The following AARS2 variants were observed in gnomAD, a reference collection of about 807,000 sequenced individuals.
The protein encoded by AARS2 is alanyl-tRNA synthetase 2, mitochondrial, also known as alanine--tRNA ligase, mitochondrial.
In AARS2, 78 loss-of-function variants were observed where a neutral mutation model predicts 119.7. The ratio of observed to expected loss-of-function variants is 0.65; its 90% confidence interval spans 0.54 to 0.79. The LOEUF is 0.79. AARS2 is among the 30% of genes least tolerant of loss of function. AARS2 has a pLI of 0.00. For missense variants in AARS2, 1,157 were observed against 1,291.3 expected, an observed-to-expected ratio of 0.90 and a Z score of 1.59; for synonymous variants, 502 against 526.3, an observed-to-expected ratio of 0.95 and a Z score of 0.63.
chr6:44,301,322 C>T, intron 20 of AARS2, 56 bp from the exon 21 acceptor site: 1 of 1,613,192 alleles, frequency 6.2e-7, no homozygotes, highest in Non-Finnish European at 8.5e-7. Flanking sequence ...CTAGCTGTCT[C>T]CTGGTCAGGA....
chr6:44,304,124 G>C lies in AARS2; in HGVS notation c.2007+57C>G, dbSNP rs546363183. ...AAGGGCAACCCGCTCACAGCAGGCT[G>C]TCTCTCTTTTATGCCTGTCACCTCA... On this transcript the variant is annotated intron_variant, in intron 14 of 21. Coordinates refer to ENST00000244571, the MANE Select transcript of AARS2 (RefSeq NM_020745.4). The C allele has an allele frequency of 3.1e-6, 5 of 1,609,660 alleles. No individual in the cohort carries two copies. In the East Asian group the frequency reaches 8.9e-5, roughly 29 times the overall value.
rs1464857423 is a variant in AARS2, at chr6:44,311,495, A to G, written c.476T>C (p.Val159Ala). The change falls in exon 3 of 22, where the codon GTC becomes GCC. Residue 159 changes from valine to alanine, a missense_variant. Transcript: ENST00000244571. Reference sequence around the variant, plus strand: ...GAGCCTTTCCTCAGGGATCCCATAGACCTGAGTCAGCAGTTCCCAGGCCAT... The same window carrying G: ...GAGCCTTTCCTCAGGGATCCCATAGGCCTGAGTCAGCAGTTCCCAGGCCAT... ...CNMAWELLTQVYGIPEERLWI... is the reference protein window; with the variant it reads ...CNMAWELLTQAYGIPEERLWI... 1.2e-6 allele frequency: 2 copies of G among 1,613,168 alleles called. No individual in the cohort carries two copies. Among genetic ancestry groups the G allele is most frequent in the Admixed American group, 3.3e-5 (2 of 59,926 alleles).
At chr6:44,312,982 A>G in intron 1 of AARS2, 99 bp downstream of exon 1, 1 of 1,551,300 alleles carries the variant, frequency 6.4e-7, no homozygotes, top group Non-Finnish European at 8.7e-7. Flanking sequence ...CCCAAAAGCT[A>G]CGAACTCCGC....
At position 44,305,357 on chromosome 6, in the gene AARS2, G is replaced by A. The variant is rs571952347; in HGVS notation, c.1435-159C>T. ...CTTGGCTGGCTGCTAGAGCCCCTGA[G>A]CTGGTTGAACCATCCATCATGTCGG... On this transcript the variant is annotated intron_variant, in intron 10 of 21. Coordinates refer to ENST00000244571, the MANE Select transcript of AARS2 (RefSeq NM_020745.4). This position sits in a 1 kb window ranked among gnomAD's most constrained non-coding sequence, Gnocchi z 4.6. Among the ~76,000 whole-genome samples, 2 of 152,320 alleles carry A rather than the reference G, an allele frequency of 1.3e-5. No individual in the cohort carries two copies. The highest frequency in any genetic ancestry group is 3.9e-4 in the East Asian group (2 of 5,186).
rs767563564 is a variant in AARS2 at position 44,304,221 on chromosome 6, TG to T, written c.1966del (p.His656IlefsTer11). On this transcript the variant is annotated frameshift_variant, in exon 14 of 22. Transcript: ENST00000244571. LOFTEE classifies it high-confidence loss of function. ...LGPGTEQQGSHLNPEQLRLDV... is the reference protein window; with the variant it reads ...LGPGTEQQGSXLNPEQLRLDV... ...CAAGCGCAGCTGCTCAGGATTGAGA[TG>T]GGAGCCCTGCTGCTCTGTGCCAGGG... 3.1e-6 allele frequency: 5 copies of T among 1,614,074 alleles called. No homozygotes were observed. In the South Asian group the frequency reaches 5.5e-5, roughly 18 times the overall value.
intron 9 of AARS2, 87 bp downstream of exon 9, chr6:44,306,193 G>C: frequency 4.0e-6 from 5 of 1,243,456 alleles, no homozygotes; most frequent in Non-Finnish European, 5.9e-6. Flanking sequence ...TGGATATGAG[G>C]CATGGGGCTG....
chr6:44,301,804 G>A (rs1785380949), intron 19 of AARS2, among the ~76,000 whole-genome samples: 1 of 152,216 alleles, frequency 6.6e-6, no homozygotes, highest in African/African-American at 2.4e-5. Flanking sequence ...AATCAGGGCT[G>A]AATGGCACTA....
chr6:44,302,967 C>T, intron 16 of AARS2, 57 bp from the exon 17 acceptor site: 1 of 1,602,762 alleles, frequency 6.2e-7, no homozygotes, highest in Non-Finnish European at 8.5e-7. Context: ...AAGGGAGAAG[C>T]CAGCGTGCAT....
In AARS2 at chr6:44,299,856, G is replaced by A. The variant is rs1785212983; in HGVS notation, c.*691C>T. The A allele has an allele frequency of 6.5e-6, 1 of 153,048 alleles. No homozygotes were observed. Among genetic ancestry groups the A allele is most frequent in the Non-Finnish European group, 1.5e-5 (1 of 68,670 alleles). The allele number at this position is 153,048 out of a possible 1,614,324, so 9.5% of individuals were successfully genotyped here. ...CTGTCCGAACACTCATGGCAATGAA[G>A]ATGGCCCGATTTGGATCCTGGGTGG... is the stretch of plus-strand genomic sequence containing the variant. On this transcript the variant is annotated 3_prime_UTR_variant, in exon 22 of 22. Transcript: ENST00000244571.
chr6:44,302,413 T>C lies in AARS2; in HGVS notation c.2465A>G (p.Lys822Arg). 1 of 1,614,132 alleles carries C rather than the reference T, an allele frequency of 6.2e-7. No individual in the cohort carries two copies. Among genetic ancestry groups the C allele is most frequent in the Non-Finnish European group, 8.5e-7 (1 of 1,180,010 alleles). ...RDVAEALRLSKDIGRLIEAVE... is the reference protein window; with the variant it reads ...RDVAEALRLSRDIGRLIEAVE... The stretch of plus-strand genomic sequence containing the variant: ...CACTTCAATGAGTCGTCCTATGTCC[T>C]TGGACAGCCTCAGTGCCTCCGCCAC... The change falls in exon 18 of 22, where the codon AAG becomes AGG. Residue 822 changes from lysine to arginine, a missense_variant. Lys to Arg is a conservative substitution (Grantham distance 26). Coordinates refer to ENST00000244571, the MANE Select transcript of AARS2 (RefSeq NM_020745.4).
chr6:44,306,771 G>T, intron 7 of AARS2, 152 bp downstream of exon 7: 2 of 861,124 alleles, frequency 2.3e-6, no homozygotes, highest in South Asian at 1.4e-5. Context: ...TGTAAGCAAG[G>T]ACAGCTTTCT....
In AARS2 at chr6:44,300,205, T is replaced by C. The variant is rs1037127984; in HGVS notation, c.*342A>G. 2.8e-6 allele frequency: 1 copy of C among 354,016 alleles called. No individual in the cohort carries two copies. Among genetic ancestry groups the C allele is most frequent in the African/African-American group, 2.1e-5 (1 of 47,800 alleles). 21.9% of individuals were successfully genotyped at this position (354,016 alleles called of 1,614,324 possible). A position where few individuals can be genotyped will look rare whatever the true frequency, so the allele number is the denominator to read the frequency against. On this transcript the variant is annotated 3_prime_UTR_variant, in exon 22 of 22. Transcript: ENST00000244571. ...CATGTTAGCCAGGATGGTTTTGATC[T>C]CCTGACCTCATGATCTACCTGCCTC...
chr6:44,308,137 C>A (rs1179219476), intron 5 of AARS2, among the ~76,000 whole-genome samples: 1 of 152,196 alleles, frequency 6.6e-6, no homozygotes, highest in East Asian at 1.9e-4. Flanking sequence ...GAAGCATGCC[C>A]TGTGGTCCTT....
rs1461146112 is a variant in AARS2, at chr6:44,305,107, G to T, written c.1526C>A (p.Pro509Gln). The T allele has an allele frequency of 5.0e-6, 8 of 1,614,026 alleles. No homozygotes were observed. Among genetic ancestry groups the T allele is most frequent in the Non-Finnish European group, 6.8e-6 (8 of 1,180,026 alleles). Reference sequence around the variant, plus strand: ...GTTGTACTTGGGGCTGTCGTCAGTTGGGGGCACTCCTTGGCGCTGCAGCTC... The same window carrying T: ...GTTGTACTTGGGGCTGTCGTCAGTTTGGGGCACTCCTTGGCGCTGCAGCTC... ...LGELQRQGVP[P>Q]TDDSPKYNYS... Residue 509 changes from proline (P) to glutamine (Q), a missense_variant, in exon 11 of 22, where the codon CCA (proline) becomes CAA (glutamine). Coordinates refer to ENST00000244571, the MANE Select transcript of AARS2 (RefSeq NM_020745.4). The surrounding 1 kb of genome is among the most constrained non-coding windows in gnomAD (Gnocchi z 4.6).
Position 44,305,546 on chromosome 6 carries a change from T to C in AARS2, c.1434+107A>G, listed in dbSNP as rs765866398. On this transcript the variant is annotated intron_variant, in intron 10 of 21. Transcript: ENST00000244571. The surrounding 1 kb of genome is among the most constrained non-coding windows in gnomAD (Gnocchi z 4.6). ...CTCCCAGGTGAGGGGACAGATCCTA[T>C]CTCAGCCTCTTGATTCCTCTCAATA... The C allele has an allele frequency of 1.1e-5, 17 of 1,554,182 alleles. No homozygotes were observed. The highest frequency in any genetic ancestry group is 1.5e-5 in the Non-Finnish European group (17 of 1,131,456).
At position 44,301,479 on chromosome 6, in the gene AARS2, G is replaced by C; in HGVS notation, c.2599-15C>G. 1 of 1,609,076 alleles carries C rather than the reference G, an allele frequency of 6.2e-7. No homozygotes were observed. The highest frequency in any genetic ancestry group is 8.5e-7 in the Non-Finnish European group (1 of 1,177,146). ...TTCTTTGCAGCCTATGGGGCAGGAA[G>C]GACAAGCAGAGGGGTCAGGCTGAGA... On this transcript the variant is annotated splice_polypyrimidine_tract_variant and intron_variant, in intron 19 of 21. Transcript: ENST00000244571.
Position 44,304,687 on chromosome 6 carries a change from G to A in AARS2, c.1710C>T (p.Gly570=). The part of the protein sequence containing the change: ...DRTNFYAEQG[G]QASDRGYLVR... ...CCAGGTAGCCACGGTCTGAAGCCTG[G>A]CCCCCCTGTTCTGCGTAGAAGTTGG... is the stretch of plus-strand genomic sequence containing the variant. The change falls in exon 12 of 22, where the codon GGC becomes GGT. Residue 570 remains glycine, a synonymous_variant. Coordinates refer to ENST00000244571, the MANE Select transcript of AARS2 (RefSeq NM_020745.4). The A allele has an allele frequency of 6.2e-7, 1 of 1,614,220 alleles. No individual in the cohort carries two copies. Among genetic ancestry groups the A allele is most frequent in the Non-Finnish European group, 8.5e-7 (1 of 1,180,044 alleles).
At position 44,307,780 on chromosome 6, in the gene AARS2, G is replaced by T. The variant is rs76731976; in HGVS notation, c.895-386C>A. On this transcript the variant is annotated intron_variant, in intron 5 of 21. Transcript: ENST00000244571. The surrounding 1 kb of genome is among the most constrained non-coding windows in gnomAD (Gnocchi z 4.4). ...AAGGCTACCCAGCTCTCAAGGAGCA[G>T]ATCTGAGATCTCAGCCGGGCCTGTT... The T allele has an allele frequency of 0.039, 11,207 of 285,386 alleles. 433 individuals are homozygous for T. Among genetic ancestry groups the T allele is most frequent in the East Asian group, 0.17 (1,915 of 11,520 alleles). 17.7% of individuals were successfully genotyped at this position (285,386 alleles called of 1,614,324 possible). A position where few individuals can be genotyped will look rare whatever the true frequency, so the allele number is the denominator to read the frequency against.
At position 44,298,984 on chromosome 6, in the gene AARS2, T is replaced by C. The variant is rs1561934503; in HGVS notation, c.*1563A>G. 1.3e-5 allele frequency among the ~76,000 whole-genome samples: 2 copies of C among 152,224 alleles called. No individual in the cohort carries two copies. The highest frequency in any genetic ancestry group is 6.5e-5 in the Admixed American group (1 of 15,292). ...TGAGGCAGGTGCTGTACAACTTGTTTTAATAAGCATATTGTTTGTCTGACC... is the reference window on the plus strand; with the variant it reads ...TGAGGCAGGTGCTGTACAACTTGTTCTAATAAGCATATTGTTTGTCTGACC... On this transcript the variant is annotated 3_prime_UTR_variant, in exon 22 of 22. Transcript: ENST00000244571.
Sources: gnomAD v4.1 joint callset for allele counts (sites outside exome capture counted in the v4.1 genomes callset) on GRCh38, gnomAD v4.1.1 for gene constraint, Gnocchi (gnomAD v3.1) non-coding constraint, MANE v1.5 for transcripts, NCBI Gene and HGNC (gene_info 2026-07-23, HGNC 2026-07-21) for gene names.